The following SAMTOR variants were observed in gnomAD, a reference collection of about 807,000 sequenced individuals.
The protein encoded by SAMTOR is UPF0532 protein C7orf60.
chr7:112,939,570 C>G, the SAMTOR span: 1 of 1,613,746 alleles, frequency 6.2e-7, no homozygotes, highest in Non-Finnish European at 8.5e-7. Context: ...CCCTTCCTCC[C>G]TCACTCAGCG....
chr7:112,938,885 G>A, the SAMTOR span, among the ~76,000 whole-genome samples: 1 of 152,344 alleles, frequency 6.6e-6, no homozygotes, highest in Admixed American at 6.5e-5. Context: ...TTATCGGCAG[G>A]TGTCTTTAGG....
chr7:112,929,875 A>C, the SAMTOR span, among the ~76,000 whole-genome samples: 2 of 152,130 alleles, frequency 1.3e-5, no homozygotes, highest in Admixed American at 6.5e-5. Context: ...CTGTACATGA[A>C]TCATATCTCA....
At chr7:112,907,842 C>CTTATTTATTTATTTATTTATTTATTTAT in the SAMTOR span, among the ~76,000 whole-genome samples, 1 of 146,434 alleles carries the variant, frequency 6.8e-6, no homozygotes, top group African/African-American at 2.5e-5. Flanking sequence ...TTCTTACTTA[C>CTTATTTATTTATTTATTTATTTATTTAT]TTATTTATTT....
the SAMTOR span, among the ~76,000 whole-genome samples, chr7:112,894,612 G>A: frequency 6.6e-6 from 1 of 152,154 alleles, no homozygotes; most frequent in African/African-American, 2.4e-5. Context: ...AAGAGAGAAT[G>A]AGAGCCAAGC....
the SAMTOR span, among the ~76,000 whole-genome samples, chr7:112,823,239 C>T: frequency 6.6e-6 from 1 of 152,036 alleles, no homozygotes; most frequent in East Asian, 1.9e-4. Flanking sequence ...TTCTTCTTCC[C>T]TTTTTCTTAA....
the SAMTOR span, among the ~76,000 whole-genome samples, chr7:112,923,068 G>A: frequency 5.9e-5 from 9 of 152,332 alleles, no homozygotes; most frequent in East Asian, 1.9e-4. Flanking sequence ...TTGAGAAATC[G>A]GATGGTTGCT....
the SAMTOR span, among the ~76,000 whole-genome samples, chr7:112,894,756 T>C: frequency 8.3e-4 from 126 of 152,266 alleles, no homozygotes; most frequent in East Asian, 5.4e-3. Context: ...TGAGAATTAT[T>C]GGAGCTACAA....
the SAMTOR span, among the ~76,000 whole-genome samples, chr7:112,916,010 T>C: frequency 6.6e-6 from 1 of 152,192 alleles, no homozygotes; most frequent in Non-Finnish European, 1.5e-5. Context: ...AGCAATGAAG[T>C]AAATATTTCT....
the SAMTOR span, among the ~76,000 whole-genome samples, chr7:112,825,473 T>C: frequency 6.6e-6 from 1 of 152,230 alleles, no homozygotes; most frequent in Non-Finnish European, 1.5e-5. Context: ...GTACTGTTTT[T>C]AGTTAAAATT....
chr7:112,879,946 T>C, the SAMTOR span, among the ~76,000 whole-genome samples: 1 of 152,200 alleles, frequency 6.6e-6, no homozygotes, highest in East Asian at 1.9e-4. Flanking sequence ...TTAGATTCAA[T>C]TCTAGTTACT....
chr7:112,897,900 T>C, the SAMTOR span, among the ~76,000 whole-genome samples: 5 of 152,128 alleles, frequency 3.3e-5, no homozygotes, highest in East Asian at 1.9e-4. Context: ...AAAAGATGCA[T>C]TGAAGATGAT....
At chr7:112,939,462 C>A in the SAMTOR span, 1 of 1,422,220 alleles carries the variant, frequency 7.0e-7, no homozygotes. Context: ...CCCGGGAGAG[C>A]AGCAGCGGCT....
chr7:112,922,799 G>C, the SAMTOR span, among the ~76,000 whole-genome samples: 2 of 149,538 alleles, frequency 1.3e-5, no homozygotes, highest in Non-Finnish European at 3.0e-5. Flanking sequence ...GTCAGCCCCC[G>C]CCAGGCCAGC....
the SAMTOR span, among the ~76,000 whole-genome samples, chr7:112,862,599 G>A: frequency 1.3e-5 from 2 of 152,028 alleles, no homozygotes; most frequent in Non-Finnish European, 2.9e-5. Flanking sequence ...ATGCTCCTTG[G>A]GCCAGTTATT....
At chr7:112,871,435 T>G in the SAMTOR span, among the ~76,000 whole-genome samples, 3 of 152,048 alleles carry the variant, frequency 2.0e-5, no homozygotes, top group African/African-American at 7.2e-5. Context: ...GGGTAAACAA[T>G]GAAATTAAGG....
chr7:112,879,148 C>T, the SAMTOR span, among the ~76,000 whole-genome samples: 1 of 150,426 alleles, frequency 6.6e-6, no homozygotes, highest in African/African-American at 2.5e-5. Context: ...GCTTATGACA[C>T]AAGGATATTT....
chr7:112,929,444 C>T, the SAMTOR span, among the ~76,000 whole-genome samples: 1 of 151,906 alleles, frequency 6.6e-6, no homozygotes, highest in African/African-American at 2.4e-5. Context: ...AGATAACAAG[C>T]ATTGGTGAGG....
At chr7:112,884,344 A>AT in the SAMTOR span, among the ~76,000 whole-genome samples, 1 of 152,128 alleles carries the variant, frequency 6.6e-6, no homozygotes, top group African/African-American at 2.4e-5. Context: ...GTCTTAACTC[A>AT]TTCTGTTATT....
At chr7:112,858,620 T>A in the SAMTOR span, among the ~76,000 whole-genome samples, 5 of 152,202 alleles carry the variant, frequency 3.3e-5, no homozygotes, top group Non-Finnish European at 7.4e-5. Flanking sequence ...TAATCATAAA[T>A]TCAAACTAAT....
Sources: gnomAD v4.1 joint callset for allele counts (sites outside exome capture counted in the v4.1 genomes callset) on GRCh38, gnomAD v4.1.1 for gene constraint, MANE v1.5 for transcripts, NCBI Gene and HGNC (gene_info 2026-07-23, HGNC 2026-07-21) for gene names.